The following SNAP47 variants were observed in gnomAD, a reference collection of about 807,000 sequenced individuals.
SNAP47 encodes the protein synaptosomal-associated protein 47.
Under a neutral mutation model 31.4 loss-of-function variants are expected in SNAP47, and 20 were observed. The observed-to-expected ratio is 0.64, with a 90% CI of 0.45 to 0.93. The LOEUF (loss-of-function observed/expected upper bound fraction) is 0.93. Ranked by LOEUF, SNAP47 falls within the 40% of genes least tolerant of loss-of-function variation. The pLI is 0.00. For synonymous variants in SNAP47, 194 were observed against 213.4 expected, an observed-to-expected ratio of 0.91 and a Z score of 0.79; for missense variants, 492 against 528.5, an observed-to-expected ratio of 0.93 and a Z score of 0.68.
In SNAP47 at chr1:227,758,359, C is replaced by G. The variant is rs114118158; in HGVS notation, c.498-636C>G. On this transcript the variant is annotated intron_variant, in intron 2 of 4. Transcript: ENST00000617596. The stretch of plus-strand genomic sequence containing the variant: ...GTGCCGGGTTCTCCTCAGCTTCTGT[C>G]CCCACACCTGTAGATGCTCAACTAG... Among the ~76,000 whole-genome samples the G allele has an allele frequency of 4.5e-3, 678 of 152,314 alleles. 5 individuals carry two copies. Among genetic ancestry groups the G allele is most frequent in the African/African-American group, 0.015 (635 of 41,560 alleles).
intron 4 of SNAP47, among the ~76,000 whole-genome samples, chr1:227,771,716 C>T (rs6683757): frequency 0.37 from 53,307 of 144,396 alleles, 9,815 homozygotes; most frequent in Admixed American, 0.41. Flanking sequence ...GTGCCCATGC[C>T]CCCCAAACTC....
intron 2 of SNAP47, among the ~76,000 whole-genome samples, chr1:227,753,077 A>G (rs551547020): frequency 2.1e-4 from 32 of 152,328 alleles, no homozygotes; most frequent in African/African-American, 7.7e-4. Flanking sequence ...GCAAAGCAAT[A>G]ATTGTGTTCA....
At chr1:227,764,745 A>G (rs1178645883) in intron 3 of SNAP47, among the ~76,000 whole-genome samples, 26 of 152,166 alleles carry the variant, frequency 1.7e-4, no homozygotes, top group Admixed American at 1.6e-3. Flanking sequence ...GTTACTAAAA[A>G]TAAAAAAAAT....
At chr1:227,777,479 C>G (rs1368954709) in intron 4 of SNAP47, among the ~76,000 whole-genome samples, 1 of 152,200 alleles carries the variant, frequency 6.6e-6, no homozygotes, top group Non-Finnish European at 1.5e-5. Flanking sequence ...CTCCATGTGG[C>G]TCCTGATCCC....
chr1:227,742,676 T>C (rs182177753), intron 1 of SNAP47, among the ~76,000 whole-genome samples: 187 of 152,268 alleles, frequency 1.2e-3, no homozygotes, highest in African/African-American at 4.3e-3. Context: ...TGAGGCGTGG[T>C]CCCTCCCCTC....
intron 1 of SNAP47, among the ~76,000 whole-genome samples, chr1:227,739,918 C>T (rs1558189717): frequency 1.3e-5 from 2 of 152,188 alleles, no homozygotes; most frequent in African/African-American, 2.4e-5. Context: ...GCAGGGACAC[C>T]GTGAGGGCTC....
At position 227,762,703 on chromosome 1, in the gene SNAP47, G is replaced by A. The variant is rs1040694249; in HGVS notation, c.988+3218G>A. Among the ~76,000 whole-genome samples, 4 of 152,358 alleles carry A rather than the reference G, an allele frequency of 2.6e-5. No homozygotes were observed. The highest frequency in any genetic ancestry group is 2.1e-4 in the South Asian group (1 of 4,832). ...CTGCAGGGCTGCGTGCCAAGTGCAC[G>A]TTTTATTTTATTCTAGACACTCGTC... On this transcript the variant is annotated intron_variant, in intron 3 of 4. Transcript: ENST00000617596. The surrounding 1 kb of genome is among the most constrained non-coding windows in gnomAD (Gnocchi z 4.2).
chr1:227,776,328 A>G, intron 4 of SNAP47: 1 of 988,046 alleles, frequency 1.0e-6, no homozygotes, highest in Non-Finnish European at 1.2e-6. Flanking sequence ...GAAGTTTATA[A>G]AAGTTTGTTT....
At chr1:227,759,624 T>C in intron 3 of SNAP47, 139 bp downstream of exon 3, 1 of 1,127,406 alleles carries the variant, frequency 8.9e-7, no homozygotes, top group South Asian at 1.5e-5. Flanking sequence ...ACAGCTCGTT[T>C]GTTTATACAT....
chr1:227,767,417 A>G (rs1037911770), intron 4 of SNAP47, among the ~76,000 whole-genome samples: 2 of 152,206 alleles, frequency 1.3e-5, no homozygotes, highest in African/African-American at 4.8e-5. Flanking sequence ...GTACATGTGC[A>G]TGCTGTGTGT....
intron 2 of SNAP47, among the ~76,000 whole-genome samples, chr1:227,756,192 C>T (rs1480831800): frequency 6.6e-6 from 1 of 152,122 alleles, no homozygotes; most frequent in Non-Finnish European, 1.5e-5. Context: ...CTTTTTAAAT[C>T]AACAGTGGTA....
At chr1:227,758,791 G>A (rs1315777650) in intron 2 of SNAP47, among the ~76,000 whole-genome samples, 1 of 78,024 alleles carries the variant, frequency 1.3e-5, no homozygotes, top group African/African-American at 1.3e-4. Flanking sequence ...CTAGATGAAT[G>A]TTCTCACTGC....
chr1:227,728,403 G>C (rs918375515), upstream of SNAP47: 7 of 152,106 alleles, frequency 4.6e-5, no homozygotes, highest in African/African-American at 1.7e-4. Context: ...GGAAGCCCCA[G>C]GGTCGTCCTG....
At chr1:227,752,200 G>A (rs1234799661) in intron 2 of SNAP47, among the ~76,000 whole-genome samples, 3 of 152,176 alleles carry the variant, frequency 2.0e-5, no homozygotes, top group African/African-American at 2.4e-5. Context: ...ACAGTCATAC[G>A]CACGAACACA....
rs764372743 is a variant in SNAP47, at chr1:227,775,768, T to C, written c.1114-4759T>C. The C allele has an allele frequency of 1.2e-5, 16 of 1,302,210 alleles. No homozygotes were observed. In the South Asian group the frequency reaches 1.4e-4, roughly 11 times the overall value. 80.7% of individuals were successfully genotyped at this position (1,302,210 alleles called of 1,614,324 possible). ...AATGGAAATGGTGAGAATGCTAAAT[T>C]CTCTTGTTTTTGCTCTGCAGGGCTT... On this transcript the variant is annotated intron_variant, in intron 4 of 4. Coordinates refer to ENST00000617596, the MANE Select transcript of SNAP47 (RefSeq NM_053052.4).
intron 4 of SNAP47, among the ~76,000 whole-genome samples, chr1:227,771,812 A>C (rs1263995459): frequency 6.6e-6 from 1 of 152,138 alleles, no homozygotes; most frequent in Non-Finnish European, 1.5e-5. Flanking sequence ...ACAGGAGGCC[A>C]TGCCAGGCAC....
At chr1:227,734,656 C>T (rs1660941238), upstream of SNAP47, 2 of 1,614,064 alleles carry the variant, frequency 1.2e-6, no homozygotes, top group Non-Finnish European at 1.7e-6. Flanking sequence ...ATTACCTGCA[C>T]AAGTGCCAGT....
chr1:227,768,437 C>T, intron 4 of SNAP47: 3 of 520,024 alleles, frequency 5.8e-6, no homozygotes, highest in Non-Finnish European at 7.4e-6. Context: ...TGCCCATGTC[C>T]ACCAGGAGGT....
At chr1:227,748,364 A>T in intron 2 of SNAP47, 131 bp downstream of exon 2, 1 of 1,036,082 alleles carries the variant, frequency 9.7e-7, no homozygotes, top group South Asian at 1.7e-5. Flanking sequence ...CTGGCTGTGC[A>T]CCTGCTGTAC....
Sources: gnomAD v4.1 joint callset for allele counts (sites outside exome capture counted in the v4.1 genomes callset) on GRCh38, gnomAD v4.1.1 for gene constraint, Gnocchi (gnomAD v3.1) non-coding constraint, MANE v1.5 for transcripts, NCBI Gene and HGNC (gene_info 2026-07-23, HGNC 2026-07-21) for gene names.